Variants in FAM13A observed in about 807,000 individuals in gnomAD.
FAM13A encodes the protein protein FAM13A.
A neutral mutation model predicts 129.6 loss-of-function variants in FAM13A; 76 were observed. That is an observed-to-expected ratio of 0.59 (90% CI 0.49 to 0.71). The LOEUF (loss-of-function observed/expected upper bound fraction) is 0.71, where lower values mean the gene tolerates loss of function less well. Among genes scored for constraint, FAM13A ranks in the 30% least tolerant of loss-of-function variants. The probability of loss-of-function intolerance (pLI) is 0.00; values close to 1 mark genes in which losing one functional copy is unlikely to be tolerated. For missense variants in FAM13A, 1,108 were observed against 1,249.3 expected, an observed-to-expected ratio of 0.89 and a Z score of 1.70; for synonymous variants, 443 against 449.9, an observed-to-expected ratio of 0.98 and a Z score of 0.20.
At chr4:88,889,137 A>G (rs1406787120) in intron 6 of FAM13A, among the ~76,000 whole-genome samples, 4 of 152,118 alleles carry the variant, frequency 2.6e-5, no homozygotes, top group African/African-American at 4.8e-5. Context: ...AGGTCTAATC[A>G]GGGAGCCTCC....
intron 4 of FAM13A, chr4:88,989,651 C>A (rs1762711737): frequency 6.6e-6 from 1 of 152,102 alleles, no homozygotes; most frequent in South Asian, 2.1e-4. Flanking sequence ...GTATATTTTA[C>A]AACAATAGAA....
At chr4:88,758,010 T>C (rs950321665) in intron 14 of FAM13A, among the ~76,000 whole-genome samples, 1 of 152,202 alleles carries the variant, frequency 6.6e-6, no homozygotes, top group African/African-American at 2.4e-5. Flanking sequence ...GACTGGCATT[T>C]ATTTTGGATC....
intron 13 of FAM13A, among the ~76,000 whole-genome samples, chr4:88,761,300 G>A (rs568476521): frequency 3.9e-5 from 6 of 152,274 alleles, no homozygotes; most frequent in South Asian, 2.1e-4. Context: ...ATTTGACACC[G>A]TATGAAGACA....
intron 5 of FAM13A, among the ~76,000 whole-genome samples, chr4:88,911,725 T>C (rs1354051363): frequency 6.6e-6 from 1 of 152,218 alleles, no homozygotes; most frequent in Non-Finnish European, 1.5e-5. Context: ...TGTCACTCCC[T>C]TCCCCACTGT....
intron 6 of FAM13A, among the ~76,000 whole-genome samples, chr4:88,893,570 C>A (rs909134397): frequency 3.6e-4 from 54 of 150,972 alleles, no homozygotes; most frequent in Non-Finnish European, 1.5e-5. Flanking sequence ...TTGCAGTGAG[C>A]CGAGATTGTG....
At chr4:88,821,779 A>T (rs1406340657) in intron 7 of FAM13A, among the ~76,000 whole-genome samples, 2 of 152,212 alleles carry the variant, frequency 1.3e-5, no homozygotes, top group African/African-American at 4.8e-5. Flanking sequence ...TATATTTGTA[A>T]ACCACTTTCT....
intron 13 of FAM13A, among the ~76,000 whole-genome samples, chr4:88,762,212 C>T (rs1454631730): frequency 2.0e-5 from 3 of 152,152 alleles, no homozygotes; most frequent in African/African-American, 7.2e-5. Context: ...TTTCTGGAAT[C>T]CAGCAAAGGA....
intron 14 of FAM13A, among the ~76,000 whole-genome samples, chr4:88,750,970 A>C (rs1742472555): frequency 6.6e-6 from 1 of 152,246 alleles, no homozygotes; most frequent in Non-Finnish European, 1.5e-5. Context: ...AATGAAAAGA[A>C]AATGTGCATG....
intron 6 of FAM13A, among the ~76,000 whole-genome samples, chr4:88,887,044 G>A (rs1310989678): frequency 6.6e-6 from 1 of 152,198 alleles, no homozygotes; most frequent in Non-Finnish European, 1.5e-5. Flanking sequence ...AGTAACTCAG[G>A]AATGGAAAAT....
chr4:88,805,800 C>T (rs1728441891), intron 7 of FAM13A, among the ~76,000 whole-genome samples: 2 of 151,916 alleles, frequency 1.3e-5, no homozygotes, highest in Admixed American at 1.3e-4. Flanking sequence ...TCTGGGGTAT[C>T]TGGGACCACA....
chr4:88,800,117 A>G (rs1383353661), intron 8 of FAM13A, among the ~76,000 whole-genome samples: 2 of 152,172 alleles, frequency 1.3e-5, no homozygotes, highest in Non-Finnish European at 2.9e-5. Context: ...TTAAAGACAG[A>G]GAGTGAAATG....
intron 4 of FAM13A, among the ~76,000 whole-genome samples, 200 bp from the exon 5 acceptor site, chr4:88,938,441 C>T (rs1754186099): frequency 6.6e-6 from 1 of 151,850 alleles, no homozygotes. Flanking sequence ...ATAGCTTGGG[C>T]TGAATAAGAA....
intron 6 of FAM13A, among the ~76,000 whole-genome samples, chr4:88,855,144 G>A (rs72872187): frequency 0.014 from 2,147 of 152,266 alleles, 61 homozygotes; most frequent in African/African-American, 0.049. Context: ...TTGGTTACAT[G>A]TTAAATGTTG....
chr4:89,027,785 C>T (rs543703240), intron 2 of FAM13A, among the ~76,000 whole-genome samples: 2 of 152,194 alleles, frequency 1.3e-5, no homozygotes, highest in South Asian at 4.1e-4. Context: ...GAGGCCACTG[C>T]TAAGTGACTA....
At position 88,869,871 on chromosome 4, in the gene FAM13A, A is replaced by T. The variant is rs184136664; in HGVS notation, c.844-18688T>A. On this transcript the variant is annotated intron_variant, in intron 6 of 23. Transcript: ENST00000264344. ...TGCATGAAAAGACGAAAGGACTAAC[A>T]TGGTGAATTATTCAGAACATGCAAG... Among the ~76,000 whole-genome samples, 400 of 152,352 alleles carry T rather than the reference A, an allele frequency of 2.6e-3. 2 individuals are homozygous for T. Among genetic ancestry groups the T allele is most frequent in the African/African-American group, 8.8e-3 (368 of 41,588 alleles).
chr4:88,790,176 G>A (rs1284528750), intron 9 of FAM13A, among the ~76,000 whole-genome samples: 3 of 152,222 alleles, frequency 2.0e-5, no homozygotes, highest in South Asian at 4.2e-4. Flanking sequence ...TGCGCCTGAC[G>A]TGTTGCAGGC....
intron 5 of FAM13A, among the ~76,000 whole-genome samples, chr4:88,922,934 A>G (rs1751385242): frequency 6.6e-6 from 1 of 152,242 alleles, no homozygotes; most frequent in Non-Finnish European, 1.5e-5. Flanking sequence ...CTACGCAAAT[A>G]AACTAGAAAA....
chr4:88,748,804 G>A, intron 17 of FAM13A, 148 bp downstream of exon 17: 1 of 701,124 alleles, frequency 1.4e-6, no homozygotes, highest in Non-Finnish European at 2.6e-6. Flanking sequence ...AAGACCTGGG[G>A]AAGTGGTCAC....
At chr4:88,936,775 A>C (rs2148809155) in intron 5 of FAM13A, 1 of 152,250 alleles carries the variant, frequency 6.6e-6, no homozygotes, top group African/African-American at 2.4e-5. Context: ...GAGTGTTAAA[A>C]ATTGTTTATA....
Sources: allele counts gnomAD v4.1 joint callset (sites outside exome capture counted in the v4.1 genomes callset), GRCh38; gene constraint gnomAD v4.1.1; transcripts MANE v1.5; gene names NCBI Gene and HGNC (gene_info 2026-07-23, HGNC 2026-07-21).